CTNNBL1: variants seen among roughly 807,000 people sequenced by gnomAD.
CTNNBL1 encodes the protein beta-catenin-like protein 1.
A neutral mutation model predicts 72.7 loss-of-function variants in CTNNBL1; 31 were observed. That is an observed-to-expected ratio of 0.43 (90% CI 0.32 to 0.58). CTNNBL1 has a LOEUF of 0.58. CTNNBL1 is among the 20% of genes least tolerant of loss of function. The pLI is 0.08. For missense variants in CTNNBL1, 534 were observed against 725.1 expected (o/e 0.74, Z 3.03); for synonymous variants, 240 against 267.3 (o/e 0.90, Z 1.00).
At chr20:37,835,285 G>A (rs1258551326) in intron 11 of CTNNBL1, among the ~76,000 whole-genome samples, 1 of 152,180 alleles carries the variant, frequency 6.6e-6, no homozygotes, top group Admixed American at 6.5e-5. Flanking sequence ...GGCCTTCTCA[G>A]TCTCCATAAT....
intron 1 of CTNNBL1, among the ~76,000 whole-genome samples, chr20:37,719,185 T>A (rs2073018882): frequency 6.6e-6 from 1 of 152,168 alleles, no homozygotes; most frequent in African/African-American, 2.4e-5. Flanking sequence ...CTTGGAGAAT[T>A]TACCCTAATG....
intron 15 of CTNNBL1, among the ~76,000 whole-genome samples, chr20:37,871,019 T>TAA (rs2072579294): frequency 6.6e-6 from 1 of 152,126 alleles, no homozygotes; most frequent in South Asian, 2.1e-4. Context: ...GAAAGTAGGC[T>TAA]CCACACAAGC....
chr20:37,702,209 A>C (rs1269785224), intron 1 of CTNNBL1, among the ~76,000 whole-genome samples: 1 of 152,172 alleles, frequency 6.6e-6, no homozygotes, highest in Non-Finnish European at 1.5e-5. Flanking sequence ...TGATAGTACT[A>C]GTTCATAATT....
chr20:37,734,931 T>C, intron 2 of CTNNBL1, among the ~76,000 whole-genome samples: 1 of 152,230 alleles, frequency 6.6e-6, no homozygotes, highest in East Asian at 1.9e-4. Flanking sequence ...GTGTTAACAC[T>C]AATGTGGTTT....
At chr20:37,759,854 C>T (rs1193103665) in intron 5 of CTNNBL1, among the ~76,000 whole-genome samples, 3 of 152,196 alleles carry the variant, frequency 2.0e-5, no homozygotes, top group African/African-American at 7.2e-5. Context: ...TAAGTACTCT[C>T]ATATTACAAG....
At chr20:37,743,465 GAAAATCTTGCT>G (rs1224119446) in intron 3 of CTNNBL1, among the ~76,000 whole-genome samples, 2 of 152,076 alleles carry the variant, frequency 1.3e-5, no homozygotes, top group African/African-American at 4.8e-5. Context: ...GGTATTGGGG[GAAAATCTTGCT>G]AAAATAGTTA....
At chr20:37,725,516 G>A (rs973292684) in intron 1 of CTNNBL1, among the ~76,000 whole-genome samples, 59 of 117,638 alleles carry the variant, frequency 5.0e-4, no homozygotes, top group African/African-American at 1.8e-3. Flanking sequence ...AGATGGTCTC[G>A]AACTCCTAAA....
chr20:37,732,404 G>A (rs927734599), intron 1 of CTNNBL1, among the ~76,000 whole-genome samples: 13 of 152,318 alleles, frequency 8.5e-5, no homozygotes, highest in African/African-American at 2.9e-4. Flanking sequence ...GTGCTAAGAC[G>A]CTGGCATTGG....
At chr20:37,839,324 T>C (rs1040132235) in intron 11 of CTNNBL1, among the ~76,000 whole-genome samples, 6 of 152,228 alleles carry the variant, frequency 3.9e-5, no homozygotes, top group Non-Finnish European at 8.8e-5. Flanking sequence ...ACTGTGAGCA[T>C]TTTATTTCAA....
chr20:37,731,725 T>C (rs1340445907), intron 1 of CTNNBL1, among the ~76,000 whole-genome samples: 8 of 152,178 alleles, frequency 5.3e-5, no homozygotes, highest in Non-Finnish European at 1.0e-4. Flanking sequence ...TCCAGGTTTA[T>C]CCAGGTTGTC....
intron 3 of CTNNBL1, among the ~76,000 whole-genome samples, chr20:37,743,635 C>T (rs941069185): frequency 2.6e-5 from 4 of 151,954 alleles, no homozygotes; most frequent in East Asian, 1.9e-4. Flanking sequence ...AATTTACAGA[C>T]GAATCAATGA....
At chr20:37,779,409 G>A (rs184257311) in intron 10 of CTNNBL1, 74 bp downstream of exon 10, 4 of 1,525,960 alleles carry the variant, frequency 2.6e-6, no homozygotes, top group Non-Finnish European at 3.6e-6. Flanking sequence ...TCAAGAGCAT[G>A]TAGCTATGAT....
intron 4 of CTNNBL1, 32 bp from the exon 5 acceptor site, chr20:37,757,527 A>G: frequency 7.4e-6 from 11 of 1,478,926 alleles, no homozygotes; most frequent in Non-Finnish European, 1.0e-5. Flanking sequence ...GTACCGTTTC[A>G]GTATGTGTGT....
At chr20:37,840,231 C>T (rs375806811) in intron 12 of CTNNBL1, 32 bp downstream of exon 12, 113 of 1,482,702 alleles carry the variant, frequency 7.6e-5, no homozygotes, top group Admixed American at 1.0e-4. Flanking sequence ...AAGCTGGGAC[C>T]GGGACTGATA....
intron 3 of CTNNBL1, 133 bp from the exon 4 acceptor site, chr20:37,746,335 G>A (rs1012322611): frequency 1.2e-6 from 1 of 837,614 alleles, no homozygotes; most frequent in Admixed American, 2.2e-5. Flanking sequence ...TATGATGTTT[G>A]GATGAGTGTA....
chr20:37,724,789 C>T (rs1053884956), intron 1 of CTNNBL1, among the ~76,000 whole-genome samples: 2 of 151,894 alleles, frequency 1.3e-5, no homozygotes, highest in African/African-American at 2.4e-5. Flanking sequence ...GACATTAAAA[C>T]ACAAATTCAA....
At chr20:37,797,402 G>A (rs140213186) in intron 10 of CTNNBL1, among the ~76,000 whole-genome samples, 68 of 150,566 alleles carry the variant, frequency 4.5e-4, no homozygotes, top group African/African-American at 1.5e-3. Context: ...GGAAAGGAGA[G>A]GGTTTTACCT....
At chr20:37,696,288 A>G (rs2072790588) in intron 1 of CTNNBL1, among the ~76,000 whole-genome samples, 1 of 152,210 alleles carries the variant, frequency 6.6e-6, no homozygotes, top group African/African-American at 2.4e-5. Flanking sequence ...AGAGTATGCT[A>G]TAAAATTGCA....
At chr20:37,792,767 T>C (rs911866823) in intron 10 of CTNNBL1, among the ~76,000 whole-genome samples, 1 of 152,202 alleles carries the variant, frequency 6.6e-6, no homozygotes, top group Non-Finnish European at 1.5e-5. Flanking sequence ...ATACTCAACC[T>C]GTAGGTGTTT....
Sources: gnomAD v4.1 joint callset for allele counts (sites outside exome capture counted in the v4.1 genomes callset) on GRCh38, gnomAD v4.1.1 for gene constraint, MANE v1.5 for transcripts, NCBI Gene and HGNC (gene_info 2026-07-23, HGNC 2026-07-21) for gene names.